The following KDR variants were observed in gnomAD, a reference collection of about 807,000 sequenced individuals.
KDR encodes the protein kinase insert domain receptor, also known as vascular endothelial growth factor receptor 2.
In KDR, 43 loss-of-function variants were observed where a neutral mutation model predicts 160.9. The ratio of observed to expected loss-of-function variants is 0.27; its 90% confidence interval spans 0.21 to 0.34. The LOEUF is 0.34. KDR is among the 10% of genes least tolerant of loss of function. KDR has a pLI of 1.00. For synonymous variants in KDR, 617 were observed against 600.1 expected (o/e 1.03, Z -0.41); for missense variants, 1,469 against 1,666.4 (o/e 0.88, Z 2.06).
rs560937818 is a variant in KDR at position 55,081,237 on chromosome 4, A to C, written c.3848+719T>G. 2.1e-4 allele frequency among the ~76,000 whole-genome samples: 32 copies of C among 152,252 alleles called. No homozygotes were observed. The South Asian group carries it at 6.2e-3, about 30-fold the overall frequency. ...TATGAGCATTATTCAAAAACCCATGAGTATTCCCATTTTATATAAAAGATT... is the reference window on the plus strand; with the variant it reads ...TATGAGCATTATTCAAAAACCCATGCGTATTCCCATTTTATATAAAAGATT... On this transcript the variant is annotated intron_variant, in intron 29 of 29. Transcript: ENST00000263923.
At chr4:55,099,247 G>A (rs1720249778) in intron 15 of KDR, among the ~76,000 whole-genome samples, 1 of 152,024 alleles carries the variant, frequency 6.6e-6, no homozygotes, top group Admixed American at 6.6e-5. Context: ...TCGAACTCCT[G>A]GCCTCTAGCC....
chr4:55,103,106 G>A (rs548363471), intron 13 of KDR, among the ~76,000 whole-genome samples: 1 of 152,238 alleles, frequency 6.6e-6, no homozygotes, highest in African/African-American at 2.4e-5. Flanking sequence ...AATCTGGTGA[G>A]GCTAAAAGAC....
Position 55,104,710 on chromosome 4 carries a change from A to G in KDR, c.1920T>C (p.Tyr640=). ...KNASLQDQGD[Y]VCLAQDRKTK... ...TCTTCCTGTCTTGAGCAAGGCAGAC[A>G]TAGTCTCCTTGGTCCTGCAAGGATG... The change falls in exon 13 of 30, where the codon TAT becomes TAC. Residue 640 remains tyrosine, a synonymous_variant. Transcript: ENST00000263923. The G allele has an allele frequency of 6.2e-7, 1 of 1,613,906 alleles. No individual in the cohort carries two copies. Among genetic ancestry groups the G allele is most frequent in the East Asian group, 2.2e-5 (1 of 44,858 alleles).
chr4:55,097,799 G>T, intron 17 of KDR, 33 bp from the exon 18 acceptor site: 2 of 1,458,806 alleles, frequency 1.4e-6, no homozygotes, highest in Non-Finnish European at 1.9e-6. Context: ...CAAGAAAACA[G>T]ACTTGGATTA....
chr4:55,095,734 T>C (rs1720136136), intron 19 of KDR, 69 bp from the exon 20 acceptor site: 1 of 1,136,892 alleles, frequency 8.8e-7, no homozygotes, highest in Non-Finnish European at 1.3e-6. Context: ...TTTAATATAG[T>C]GATGAACCCA....
intron 14 of KDR, 110 bp from the exon 15 acceptor site, chr4:55,102,138 A>T (rs1317115197): frequency 2.7e-6 from 4 of 1,489,752 alleles, no homozygotes; most frequent in Non-Finnish European, 3.7e-6. Flanking sequence ...TCTATTATCT[A>T]ACTCTGTAGA....
chr4:55,114,003 A>ATG (rs1720664927), intron 6 of KDR, 123 bp downstream of exon 6: 2 of 927,920 alleles, frequency 2.2e-6, no homozygotes, highest in Non-Finnish European at 1.8e-6. Flanking sequence ...GTGGGTGTGT[A>ATG]TGTGTGTGTG....
At chr4:55,094,768 C>T (rs766482143) in intron 21 of KDR, 34 bp downstream of exon 21, 169 of 1,602,216 alleles carry the variant, frequency 1.1e-4, no homozygotes, top group Non-Finnish European at 1.3e-4. Context: ...CTGACAAGAG[C>T]ATGCCATAGC....
chr4:55,091,837 C>T (rs186386120), intron 22 of KDR, among the ~76,000 whole-genome samples: 1 of 152,278 alleles, frequency 6.6e-6, no homozygotes, highest in East Asian at 1.9e-4. Flanking sequence ...CCAGGGGAAT[C>T]ACTGCCACCA....
At position 55,095,932 on chromosome 4, in the gene KDR, T is replaced by G. The variant is rs561524710; in HGVS notation, c.2729-267A>C. 2.6e-5 allele frequency among the ~76,000 whole-genome samples: 4 copies of G among 152,306 alleles called. No individual in the cohort carries two copies. In the East Asian group the frequency reaches 7.7e-4, roughly 29 times the overall value. ...TGCAATCTCCTGATATGATTCCATTTTGGGGGTAACTACCCTTAAGCTTTC... is the reference window on the plus strand; with the variant it reads ...TGCAATCTCCTGATATGATTCCATTGTGGGGGTAACTACCCTTAAGCTTTC... On this transcript the variant is annotated intron_variant, in intron 19 of 29. Coordinates refer to ENST00000263923, the MANE Select transcript of KDR (RefSeq NM_002253.4).
At chr4:55,095,098 G>T in intron 20 of KDR, 143 bp from the exon 21 acceptor site, 1 of 842,012 alleles carries the variant, frequency 1.2e-6, no homozygotes, top group Non-Finnish European at 1.9e-6. Flanking sequence ...TCAGGATTAT[G>T]CAATCTCTGA....
chr4:55,112,757 T>C (rs1720625984), intron 7 of KDR, among the ~76,000 whole-genome samples: 1 of 152,138 alleles, frequency 6.6e-6, no homozygotes, highest in African/African-American at 2.4e-5. Context: ...TTCGAACTCC[T>C]GATCTCAGGT....
intron 4 of KDR, 102 bp from the exon 5 acceptor site, chr4:55,115,144 T>C (rs1720700854): frequency 3.2e-6 from 4 of 1,255,726 alleles, no homozygotes; most frequent in South Asian, 2.5e-5. Flanking sequence ...AGAATACTAA[T>C]TAGTTTTATT....
intron 16 of KDR, 108 bp from the exon 17 acceptor site, chr4:55,098,380 T>A: frequency 7.4e-7 from 1 of 1,344,010 alleles, no homozygotes; most frequent in Non-Finnish European, 1.1e-6. Context: ...CATTTTCCAA[T>A]AAAACTCATG....
intron 29 of KDR, among the ~76,000 whole-genome samples, chr4:55,081,578 T>C (rs1003789287): frequency 2.6e-5 from 4 of 152,220 alleles, no homozygotes; most frequent in Admixed American, 6.5e-5. Context: ...TAAGCACAGA[T>C]GCACCCATTT....
At chr4:55,108,336 TCTCTCTGTC>T (rs2110025755) in intron 9 of KDR, among the ~76,000 whole-genome samples, 1 of 152,302 alleles carries the variant, frequency 6.6e-6, no homozygotes, top group South Asian at 2.1e-4. Context: ...CAGAGATAGT[TCTCTCTGTC>T]CTCTCAAGTT....
chr4:55,109,106 G>A (rs1446806029), intron 9 of KDR, among the ~76,000 whole-genome samples: 3 of 150,586 alleles, frequency 2.0e-5, no homozygotes, highest in East Asian at 2.0e-4. Context: ...TTTTTGAGAC[G>A]GAGTTTTGCT....
chr4:55,086,455 T>A (rs763167534), intron 27 of KDR, among the ~76,000 whole-genome samples: 2 of 152,110 alleles, frequency 1.3e-5, no homozygotes, highest in Non-Finnish European at 2.9e-5. Context: ...TAATACCTGA[T>A]CTTTAACTAC....
At chr4:55,101,362 C>G (rs1720305267) in intron 15 of KDR, among the ~76,000 whole-genome samples, 1 of 152,162 alleles carries the variant, frequency 6.6e-6, no homozygotes, top group Non-Finnish European at 1.5e-5. Context: ...AATACATACT[C>G]ACTGAGAAAA....
Sources: allele counts gnomAD v4.1 joint callset (sites outside exome capture counted in the v4.1 genomes callset), GRCh38; gene constraint gnomAD v4.1.1; transcripts MANE v1.5; gene names NCBI Gene and HGNC (gene_info 2026-07-23, HGNC 2026-07-21).